The following ONECUT1 variants were observed in gnomAD, a reference collection of about 807,000 sequenced individuals.
ONECUT1 encodes the protein one cut homeobox 1, also known as hepatocyte nuclear factor 6.
A neutral mutation model predicts 25.6 loss-of-function variants in ONECUT1; 12 were observed. The ratio of observed to expected loss-of-function variants is 0.47; its 90% CI spans 0.30 to 0.76. ONECUT1 has a LOEUF of 0.76. Ranked by LOEUF, ONECUT1 falls within the 30% of genes least tolerant of loss-of-function variation. The pLI is 0.07. For synonymous variants in ONECUT1, 285 were observed against 270.2 expected (o/e 1.05, Z -0.54); for missense variants, 620 against 651.2 (o/e 0.95, Z 0.52).
At chr15:52,780,473 A>T in intron 1 of ONECUT1, 1 of 966,630 alleles carries the variant, frequency 1.0e-6, no homozygotes, top group Non-Finnish European at 1.5e-6. Flanking sequence ...GTCCTTAGTT[A>T]ACCGCATTAG....
intron 1 of ONECUT1, among the ~76,000 whole-genome samples, chr15:52,779,482 G>C (rs929650427): frequency 6.6e-6 from 1 of 152,062 alleles, no homozygotes; most frequent in Non-Finnish European, 1.5e-5. Flanking sequence ...GATATTATTC[G>C]ATGGGATAAA....
rs145146922 is a variant in ONECUT1, at chr15:52,779,781, A to G, written c.1105+8999T>C. Among the ~76,000 whole-genome samples, 508 of 152,294 alleles carry G rather than the reference A, an allele frequency of 3.3e-3. 3 individuals carry two copies. The highest frequency in any genetic ancestry group is 0.011 in the African/African-American group (470 of 41,544). On this transcript the variant is annotated intron_variant, in intron 1 of 1. Coordinates refer to ENST00000305901, the MANE Select transcript of ONECUT1 (RefSeq NM_004498.4). ...ATGGCAAACTAGCCTCCGTGACTTG[A>G]CGGTTTCTAATCCACATGCGAATGT...
chr15:52,777,735 C>CAA (rs1339746053), intron 1 of ONECUT1, among the ~76,000 whole-genome samples: 103 of 90,934 alleles, frequency 1.1e-3, no homozygotes, highest in East Asian at 2.7e-3. Context: ...CACACACACA[C>CAA]ACAAAAAAAC....
intron 1 of ONECUT1, among the ~76,000 whole-genome samples, chr15:52,787,529 T>C (rs2083884235): frequency 6.6e-6 from 1 of 151,854 alleles, no homozygotes. Context: ...GACGAATTAA[T>C]GGAGAACGAT....
rs1002757307 is a variant in ONECUT1 at position 52,784,901 on chromosome 15, C to T, written c.1105+3879G>A. On this transcript the variant is annotated intron_variant, in intron 1 of 1. Transcript: ENST00000305901. The surrounding 1 kb of genome is among the most constrained non-coding windows in gnomAD (Gnocchi z 5.0). ...AGCTGGCGGCGCCCCTCGCCCCGGG[C>T]TCAGAGGCGGACACGGTCGGTCGCG... 6.6e-6 allele frequency among the ~76,000 whole-genome samples: 1 copy of T among 152,230 alleles called. No homozygotes were observed. The highest frequency in any genetic ancestry group is 2.1e-4 in the South Asian group (1 of 4,828).
At position 52,784,472 on chromosome 15, in the gene ONECUT1, G is replaced by A. The variant is rs1053531644; in HGVS notation, c.1105+4308C>T. Reference sequence around the variant, plus strand: ...TCCTAGCTGCGCTGACACCAAGGTCGCCACACAATAGCCATCAGCCCCCCT... The same window carrying A: ...TCCTAGCTGCGCTGACACCAAGGTCACCACACAATAGCCATCAGCCCCCCT... On this transcript the variant is annotated intron_variant, in intron 1 of 1. Transcript: ENST00000305901. This position sits in a 1 kb window ranked among gnomAD's most constrained non-coding sequence, Gnocchi z 5.0. Among the ~76,000 whole-genome samples, 3 of 152,156 alleles carry A rather than the reference G, an allele frequency of 2.0e-5. No individual in the cohort carries two copies. The highest frequency in any genetic ancestry group is 7.2e-5 in the African/African-American group (3 of 41,450).
Position 52,789,024 on chromosome 15 carries a change from C to T in ONECUT1, c.861G>A (p.Gly287=), listed in dbSNP as rs2075613. ...GAQVSNGSNS[G]QMEEINTKEV... ...CTTTGGTATTGATCTCTTCCATCTG[C>T]CCTGAATTACTTCCATTGCTGACCT... The change falls in exon 1 of 2, where the codon GGG becomes GGA. Residue 287 remains glycine, a synonymous_variant. Coordinates refer to ENST00000305901, the MANE Select transcript of ONECUT1 (RefSeq NM_004498.4). The surrounding 1 kb of genome is among the most constrained non-coding windows in gnomAD (Gnocchi z 4.1). The T allele has an allele frequency of 1.9e-6, 3 of 1,607,374 alleles. No individual in the cohort carries two copies. The highest frequency in any genetic ancestry group is 2.5e-6 in the Non-Finnish European group (3 of 1,180,004).
chr15:52,761,640 C>T (rs2083706585), intron 1 of ONECUT1, among the ~76,000 whole-genome samples: 2 of 152,194 alleles, frequency 1.3e-5, no homozygotes, highest in Admixed American at 1.3e-4. Context: ...CACTATACCA[C>T]AGCCTGGGCA....
intron 1 of ONECUT1, among the ~76,000 whole-genome samples, chr15:52,775,925 T>C (rs1316126884): frequency 1.3e-5 from 2 of 152,196 alleles, no homozygotes; most frequent in African/African-American, 4.8e-5. Flanking sequence ...AGACAGCTCT[T>C]GAGCTACCAT....
rs1389292992 is a variant in ONECUT1, at chr15:52,789,743, C to CG, written c.141dup (p.Ala48ArgfsTer29). The stretch of plus-strand genomic sequence containing the variant: ...GCCATGCCCATGGAGCGCGGGTGCG[C>CG]GGGGGGCAGGTGGCTGCCGCGGTGC... On this transcript the variant is annotated frameshift_variant, in exon 1 of 2. Coordinates refer to ENST00000305901, the MANE Select transcript of ONECUT1 (RefSeq NM_004498.4). LOFTEE classifies it high-confidence loss of function. The surrounding 1 kb of genome is among the most constrained non-coding windows in gnomAD (Gnocchi z 4.1). 3 of 1,408,606 alleles carry CG rather than the reference C, an allele frequency of 2.1e-6. No individual in the cohort carries two copies. The highest frequency in any genetic ancestry group is 1.8e-6 in the Non-Finnish European group (2 of 1,091,100). 87.3% of individuals were successfully genotyped at this position (1,408,606 alleles called of 1,614,324 possible).
In ONECUT1 at chr15:52,757,763, C is replaced by T. The variant is rs200829865; in HGVS notation, c.1190G>A (p.Arg397His). 5.0e-5 allele frequency: 80 copies of T among 1,614,038 alleles called. No homozygotes were observed. Among genetic ancestry groups the T allele is most frequent in the Non-Finnish European group, 6.4e-5 (76 of 1,180,028 alleles). ...KPRLVFTDVQ[R>H]RTLHAIFKEN... ...CTTGAATATTGCATGTAGAGTTCGACGCTGGACATCTGTGAAGACCAACCT... is the reference window on the plus strand; with the variant it reads ...CTTGAATATTGCATGTAGAGTTCGATGCTGGACATCTGTGAAGACCAACCT... Residue 397 changes from arginine to histidine, a missense_variant, in exon 2 of 2, where the codon CGT becomes CAT. Arg to His is a conservative substitution (Grantham distance 29). Transcript: ENST00000305901.
At chr15:52,775,715 C>T (rs1484835991) in intron 1 of ONECUT1, among the ~76,000 whole-genome samples, 2 of 152,086 alleles carry the variant, frequency 1.3e-5, no homozygotes, top group Admixed American at 1.3e-4. Flanking sequence ...AAGTCTGTTG[C>T]TTATGGAACA....
intron 1 of ONECUT1, among the ~76,000 whole-genome samples, chr15:52,786,620 G>A (rs977031551): frequency 3.3e-5 from 5 of 152,362 alleles, no homozygotes; most frequent in South Asian, 2.1e-4. Context: ...TCCAGCGTGC[G>A]GGTCCCAGCA....
At position 52,789,515 on chromosome 15, in the gene ONECUT1, G is replaced by T; in HGVS notation, c.370C>A (p.His124Asn). ...TGGTGATGGTGGTGGTGGTGATGGT[G>T]GGGGAACTTGTCCGAGACTGTGGAG... ...PISTVSDKFP[H>N]HHHHHHHHHH... The change falls in exon 1 of 2, where the codon CAC (histidine) becomes AAC (asparagine). Residue 124 changes from histidine (H) to asparagine (N), a missense_variant. His to Asn is a moderately conservative substitution (Grantham distance 68). This residue lies in a region of ONECUT1 where 440 missense variants were observed against 404.9 expected (regional missense o/e 1.09). Transcript: ENST00000305901. This position sits in a 1 kb window ranked among gnomAD's most constrained non-coding sequence, Gnocchi z 4.1. 6.2e-7 allele frequency: 1 copy of T among 1,609,938 alleles called. No homozygotes were observed. Among genetic ancestry groups the T allele is most frequent in the Non-Finnish European group, 8.5e-7 (1 of 1,178,114 alleles).
chr15:52,785,349 C>G (rs1002381917), intron 1 of ONECUT1, among the ~76,000 whole-genome samples: 1 of 152,198 alleles, frequency 6.6e-6, no homozygotes, highest in East Asian at 1.9e-4. Flanking sequence ...CGACCGAACC[C>G]CTCCCCCCTT....
chr15:52,776,012 C>T (rs1210456805), intron 1 of ONECUT1, among the ~76,000 whole-genome samples: 1 of 152,216 alleles, frequency 6.6e-6, no homozygotes, highest in East Asian at 1.9e-4. Context: ...CTTCAGGGCT[C>T]CTTGTACCCA....
rs142412574 is a variant in ONECUT1 at position 52,789,258 on chromosome 15, G to T, written c.627C>A (p.Thr209=). The change falls in exon 1 of 2, where the codon ACC becomes ACA. Residue 209 remains threonine, a synonymous_variant. Transcript: ENST00000305901. This position sits in a 1 kb window ranked among gnomAD's most constrained non-coding sequence, Gnocchi z 4.1. ...AGCCGTTGGGGGTGAGCATCTTGTC[G>T]GTGGGCATGGCGGCCCCCGGGTGGG... ...HYAHPGAAMP[T]DKMLTPNGFE... is the part of the protein sequence containing the mutation. The T allele has an allele frequency of 6.5e-7, 1 of 1,546,958 alleles. No individual in the cohort carries two copies. The highest frequency in any genetic ancestry group is 8.7e-7 in the Non-Finnish European group (1 of 1,147,070).
At chr15:52,776,246 G>C (rs957795539) in intron 1 of ONECUT1, among the ~76,000 whole-genome samples, 1 of 152,176 alleles carries the variant, frequency 6.6e-6, no homozygotes, top group Non-Finnish European at 1.5e-5. Flanking sequence ...GAATGTATTT[G>C]AGAGGGTGAA....
At chr15:52,763,900 T>C (rs1226406738) in intron 1 of ONECUT1, among the ~76,000 whole-genome samples, 1 of 152,250 alleles carries the variant, frequency 6.6e-6, no homozygotes, top group Non-Finnish European at 1.5e-5. Context: ...ATATATTTTT[T>C]ATTGTATTAT....
Sources: allele counts gnomAD v4.1 joint callset (sites outside exome capture counted in the v4.1 genomes callset), GRCh38; gene constraint gnomAD v4.1.1; regional missense constraint gnomAD v4.1.1; non-coding constraint Gnocchi (gnomAD v3.1); transcripts MANE v1.5; gene names NCBI Gene and HGNC (gene_info 2026-07-23, HGNC 2026-07-21).